Variants in OPRM1 observed in about 807,000 individuals in gnomAD.
OPRM1 encodes opioid receptor mu 1.
Under a neutral mutation model 31.8 loss-of-function variants are expected in OPRM1, and 27 were observed. That is an observed-to-expected ratio of 0.85 (90% CI 0.63 to 1.17). The LOEUF is 1.17. Among genes scored for constraint, OPRM1 ranks in the 50% most tolerant of loss-of-function variants. OPRM1 has a pLI of 0.00. For missense variants in OPRM1, 536 were observed against 511.1 expected (o/e 1.05, Z -0.47); for synonymous variants, 196 against 189.9 (o/e 1.03, Z -0.26).
intron 3 of OPRM1, among the ~76,000 whole-genome samples, chr6:154,172,142 A>G (rs1799924027): frequency 1.3e-5 from 2 of 152,252 alleles, no homozygotes; most frequent in African/African-American, 2.4e-5. Context: ...GTTTGTAATT[A>G]TGTCACAGTA....
chr6:154,089,462 C>A (rs981866214), intron 1 of OPRM1, among the ~76,000 whole-genome samples: 1 of 151,790 alleles, frequency 6.6e-6, no homozygotes, highest in Non-Finnish European at 1.5e-5. Flanking sequence ...GTGGCATGCA[C>A]CTGGGATCCC....
chr6:154,180,271 G>A (rs1800720367), intron 3 of OPRM1, among the ~76,000 whole-genome samples: 1 of 151,744 alleles, frequency 6.6e-6, no homozygotes, highest in Non-Finnish European at 1.5e-5. Context: ...AGCTTAGGAT[G>A]TCTCAAGGGG....
At chr6:154,191,407 C>G (rs773315304) in intron 3 of OPRM1, among the ~76,000 whole-genome samples, 1 of 152,104 alleles carries the variant, frequency 6.6e-6, no homozygotes, top group Non-Finnish European at 1.5e-5. Flanking sequence ...GGCGCGGTGG[C>G]TCACGTCTGT....
intron 3 of OPRM1, among the ~76,000 whole-genome samples, chr6:154,195,549 C>T (rs1776544405): frequency 6.6e-6 from 1 of 152,096 alleles, no homozygotes; most frequent in African/African-American, 2.4e-5. Context: ...AGTATTCAAC[C>T]TCAACCAAAT....
chr6:154,176,870 T>C lies in OPRM1; in HGVS notation c.1165-69823T>C, dbSNP rs572331699. Among the ~76,000 whole-genome samples the C allele has an allele frequency of 2.5e-4, 38 of 152,270 alleles. No homozygotes were observed. In the South Asian group the frequency reaches 7.0e-3, roughly 28 times the overall value. ...AAAAAGAACAAAGCTGGAGGCATCA[T>C]GCTACCTGACTTCAAACTATACCAC... On this transcript the variant is annotated intron_variant, in intron 3 of 3. Coordinates refer to the OPRM1 transcript ENST00000337049.
At chr6:154,031,720 GAC>G (rs1378309732) in intron 1 of OPRM1, among the ~76,000 whole-genome samples, 1 of 152,114 alleles carries the variant, frequency 6.6e-6, no homozygotes, top group Non-Finnish European at 1.5e-5. Context: ...CAGCCTGGGT[GAC>G]AGAGTGAGAC....
chr6:154,235,344 C>A (rs947739076), intron 3 of OPRM1, among the ~76,000 whole-genome samples: 2 of 151,900 alleles, frequency 1.3e-5, no homozygotes, highest in Admixed American at 6.6e-5. Context: ...CAGCCTGGCC[C>A]ACATGGCGAA....
intron 1 of OPRM1, among the ~76,000 whole-genome samples, chr6:154,059,690 C>T (rs1784026985): frequency 6.6e-6 from 1 of 152,110 alleles, no homozygotes; most frequent in Non-Finnish European, 1.5e-5. Flanking sequence ...TATCTCAGAA[C>T]CTAACAAAGT....
At chr6:154,114,313 G>C (rs1583603625) in intron 3 of OPRM1, among the ~76,000 whole-genome samples, 1 of 152,262 alleles carries the variant, frequency 6.6e-6, no homozygotes, top group African/African-American at 2.4e-5. Flanking sequence ...TTGGGTGGCT[G>C]GTCCTGTATC....
chr6:154,082,523 G>T (rs572873753), intron 1 of OPRM1, among the ~76,000 whole-genome samples: 1 of 152,226 alleles, frequency 6.6e-6, no homozygotes, highest in South Asian at 2.1e-4. Context: ...TGATAATGAT[G>T]AAATTGTTTT....
chr6:154,096,658 GGTAAAT>G (rs1793446173), intron 3 of OPRM1, among the ~76,000 whole-genome samples: 1 of 152,008 alleles, frequency 6.6e-6, no homozygotes, highest in Admixed American at 6.6e-5. Flanking sequence ...AACTCTGATG[GGTAAAT>G]GTAAGAAAAT....
chr6:154,229,889 G>A (rs765521730), intron 3 of OPRM1, among the ~76,000 whole-genome samples: 30 of 152,174 alleles, frequency 2.0e-4, no homozygotes, highest in Admixed American at 1.2e-3. Flanking sequence ...ATCATGAAAA[G>A]GAGCAAACCA....
At chr6:154,160,081 G>T in intron 3 of OPRM1, 1 of 1,459,882 alleles carries the variant, frequency 6.8e-7, no homozygotes, top group Non-Finnish European at 9.5e-7. Flanking sequence ...TATGTTGAGA[G>T]TGTCTTAATT....
chr6:154,191,261 T>C (rs1245162007), intron 3 of OPRM1, among the ~76,000 whole-genome samples: 1 of 152,116 alleles, frequency 6.6e-6, no homozygotes, highest in Non-Finnish European at 1.5e-5. Context: ...GATGAATAGA[T>C]GGAGCACAGG....
At position 154,125,077 on chromosome 6, in the gene OPRM1, G is replaced by A. The variant is rs1319489981; in HGVS notation, c.*6356G>A. ...TCAGGAAAACTTCTGTCCTGTGGGA[G>A]CAATACAAAACTATACCAGTTTTTT... On this transcript the variant is annotated 3_prime_UTR_variant, in exon 4 of 4. Transcript: ENST00000330432. Among the ~76,000 whole-genome samples the A allele has an allele frequency of 1.3e-5, 2 of 152,116 alleles. No homozygotes were observed. The highest frequency in any genetic ancestry group is 2.9e-5 in the Non-Finnish European group (2 of 68,018).
chr6:154,242,660 G>A (rs1343922836), intron 3 of OPRM1, among the ~76,000 whole-genome samples: 2 of 152,202 alleles, frequency 1.3e-5, no homozygotes, highest in Non-Finnish European at 2.9e-5. Context: ...GCCAAGGCAG[G>A]TGGATCACTT....
chr6:154,091,135 A>G lies in OPRM1; in HGVS notation c.827A>G (p.Asn276Ser). 1.2e-6 allele frequency: 2 copies of G among 1,614,190 alleles called. No homozygotes were observed. Among genetic ancestry groups the G allele is most frequent in the South Asian group, 2.2e-5 (2 of 91,084 alleles). ...MLSGSKEKDR[N>S]LRRITRMVLV... ...TCTGGCTCCAAAGAAAAGGACAGGA[A>G]TCTTCGAAGGATCACCAGGATGGTG... Residue 276 changes from asparagine to serine, a missense_variant, in exon 3 of 4, where the codon AAT becomes AGT. Physicochemically the swap from Asn to Ser is conservative, Grantham distance 46. Coordinates refer to ENST00000330432, the MANE Select transcript of OPRM1 (RefSeq NM_000914.5).
chr6:154,090,285 T>A (rs147068305), intron 2 of OPRM1, 107 bp downstream of exon 2: 2 of 711,880 alleles, frequency 2.8e-6, no homozygotes, highest in East Asian at 5.1e-5. Flanking sequence ...TTAGTCACAT[T>A]GTAATTTTAA....
intron 1 of OPRM1, among the ~76,000 whole-genome samples, chr6:154,055,415 A>T (rs572209969): frequency 1.8e-4 from 28 of 152,250 alleles, no homozygotes; most frequent in East Asian, 1.2e-3. Flanking sequence ...ACAAAAAAAA[A>T]AAAATAAAAG....
Sources: allele counts gnomAD v4.1 joint callset (sites outside exome capture counted in the v4.1 genomes callset), GRCh38; gene constraint gnomAD v4.1.1; transcripts MANE v1.5; gene names NCBI Gene and HGNC (gene_info 2026-07-23, HGNC 2026-07-21).